Variants in TMCO4 observed in about 807,000 individuals in gnomAD.
TMCO4 encodes transmembrane and coiled-coil domain-containing protein 4.
Under a neutral mutation model 64.7 loss-of-function variants are expected in TMCO4, and 58 were observed. The observed-to-expected ratio is 0.90, with a 90% CI of 0.73 to 1.12. The LOEUF is 1.12. TMCO4 is among the 50% of genes most tolerant of loss of function. TMCO4 has a pLI of 0.00. For synonymous variants in TMCO4, 325 were observed against 346.1 expected (o/e 0.94, Z 0.68); for missense variants, 780 against 825.9 (o/e 0.94, Z 0.68).
At chr1:19,772,705 C>G (rs1310617178) in intron 4 of TMCO4, among the ~76,000 whole-genome samples, 3 of 152,154 alleles carry the variant, frequency 2.0e-5, no homozygotes, top group Non-Finnish European at 2.9e-5. Flanking sequence ...AACCACATTG[C>G]CTTGGGACTC....
At chr1:19,741,254 G>T (rs754179781) in intron 10 of TMCO4, among the ~76,000 whole-genome samples, 3 of 152,334 alleles carry the variant, frequency 2.0e-5, no homozygotes, top group African/African-American at 7.2e-5. Flanking sequence ...CCTTCATAGG[G>T]TAGGTATAAG....
chr1:19,765,727 C>CA, intron 6 of TMCO4, among the ~76,000 whole-genome samples: 1 of 151,972 alleles, frequency 6.6e-6, no homozygotes, highest in Non-Finnish European at 1.5e-5. Flanking sequence ...TTAGCATGCA[C>CA]AAAAAATTCC....
At chr1:19,799,563 G>C (rs1049021761) in intron 1 of TMCO4, among the ~76,000 whole-genome samples, 7 of 152,234 alleles carry the variant, frequency 4.6e-5, no homozygotes, top group African/African-American at 1.7e-4. Context: ...AGTCGCCCGA[G>C]TGCTCCGCCC....
At chr1:19,721,591 C>T (rs1274248939) in intron 13 of TMCO4, among the ~76,000 whole-genome samples, 1 of 152,058 alleles carries the variant, frequency 6.6e-6, no homozygotes, top group East Asian at 1.9e-4. Flanking sequence ...GAGTTCGAGA[C>T]CAGTCTAGGC....
intron 7 of TMCO4, among the ~76,000 whole-genome samples, chr1:19,748,499 T>G (rs1252777623): frequency 6.6e-6 from 1 of 152,192 alleles, no homozygotes. Flanking sequence ...TACATTTTAT[T>G]GAGAAATAGC....
chr1:19,746,721 G>A (rs1048994382), intron 8 of TMCO4, 122 bp from the exon 9 acceptor site: 12 of 1,233,486 alleles, frequency 9.7e-6, no homozygotes, highest in East Asian at 2.6e-5. Context: ...TCAGGAGATC[G>A]AGACTATCCT....
chr1:19,789,751 T>C (rs1304843160), intron 2 of TMCO4, among the ~76,000 whole-genome samples: 1 of 151,914 alleles, frequency 6.6e-6, no homozygotes, highest in African/African-American at 2.4e-5. Context: ...GACCAATAAG[T>C]CTTGTCAGTA....
intron 13 of TMCO4, among the ~76,000 whole-genome samples, chr1:19,711,472 G>A (rs774020670): frequency 1.3e-5 from 2 of 152,114 alleles, no homozygotes; most frequent in Non-Finnish European, 2.9e-5. Context: ...TGAACACTTA[G>A]AGGTCATTGT....
chr1:19,685,457 G>T (rs1322959828), intron 15 of TMCO4, among the ~76,000 whole-genome samples: 1 of 152,216 alleles, frequency 6.6e-6, no homozygotes, highest in African/African-American at 2.4e-5. Flanking sequence ...TCCCATTTTT[G>T]TGTTGGGATA....
intron 15 of TMCO4, among the ~76,000 whole-genome samples, chr1:19,685,246 A>G (rs1003222826): frequency 6.6e-6 from 1 of 152,180 alleles, no homozygotes; most frequent in African/African-American, 2.4e-5. Context: ...GGATGGCTTG[A>G]GCCTGGGAGG....
chr1:19,690,433 C>T (rs184078408), intron 15 of TMCO4, among the ~76,000 whole-genome samples: 37 of 152,358 alleles, frequency 2.4e-4, no homozygotes, highest in Admixed American at 1.0e-3. Context: ...TACCCCTGCC[C>T]AGGTGCTGCC....
intron 7 of TMCO4, among the ~76,000 whole-genome samples, chr1:19,752,693 C>T (rs909574566): frequency 3.3e-5 from 5 of 152,144 alleles, no homozygotes; most frequent in African/African-American, 1.2e-4. Context: ...AACCCTGCCA[C>T]TGCCAGCCAG....
In TMCO4 at chr1:19,718,337, A is replaced by G. The variant is rs577517564; in HGVS notation, c.1265-17452T>C. Reference sequence around the variant, plus strand: ...GCAACAGAGTGAGACTCCATCTCAAAATAAATAAATAAATAAATAATAAAA... The same window carrying G: ...GCAACAGAGTGAGACTCCATCTCAAGATAAATAAATAAATAAATAATAAAA... On this transcript the variant is annotated intron_variant, in intron 13 of 15. Transcript: ENST00000294543. Among the ~76,000 whole-genome samples the G allele has an allele frequency of 7.9e-5, 12 of 151,416 alleles. No homozygotes were observed. The South Asian group carries it at 2.5e-3, about 32-fold the overall frequency.
chr1:19,719,857 G>C (rs1405028386), intron 13 of TMCO4, among the ~76,000 whole-genome samples: 3 of 152,114 alleles, frequency 2.0e-5, no homozygotes, highest in Non-Finnish European at 4.4e-5. Context: ...GCCAGGTTTG[G>C]TGGCAGGCAC....
rs1216703515 is a variant in TMCO4, at chr1:19,747,200, C to A, written c.576G>T (p.Leu192=). ...ENRRKWKRYL[L]IGLATVGGGT... Reference sequence around the variant, plus strand: ...CGCCTCCGACAGTCGCCAGGCCTATCAGGAGATAACGCTTCCATTTCCTCC... The same window carrying A: ...CGCCTCCGACAGTCGCCAGGCCTATAAGGAGATAACGCTTCCATTTCCTCC... Residue 192 remains leucine, a synonymous_variant, in exon 8 of 16, where the codon CTG becomes CTT. Coordinates refer to ENST00000294543, the MANE Select transcript of TMCO4 (RefSeq NM_181719.7). The A allele has an allele frequency of 6.2e-7, 1 of 1,614,124 alleles. No homozygotes were observed. The highest frequency in any genetic ancestry group is 1.1e-5 in the South Asian group (1 of 91,078).
chr1:19,723,230 G>C (rs768062281), intron 13 of TMCO4, among the ~76,000 whole-genome samples: 7 of 152,228 alleles, frequency 4.6e-5, no homozygotes, highest in Non-Finnish European at 8.8e-5. Context: ...CATTTCCTCG[G>C]AGTATCATGT....
rs888679187 is a variant in TMCO4 at position 19,724,454 on chromosome 1, C to A, written c.1264+12918G>T. 5.3e-5 allele frequency among the ~76,000 whole-genome samples: 8 copies of A among 152,164 alleles called. 1 individual carries two copies. Among genetic ancestry groups the A allele is most frequent in the African/African-American group, 1.9e-4 (8 of 41,430 alleles). ...GAGGGCAGAATGAAATGGACACAGT[C>A]CCTGCCATCAATCTCCTTATAGGCA... On this transcript the variant is annotated intron_variant, in intron 13 of 15. Coordinates refer to ENST00000294543, the MANE Select transcript of TMCO4 (RefSeq NM_181719.7).
At chr1:19,789,106 A>C (rs1473172495) in intron 2 of TMCO4, among the ~76,000 whole-genome samples, 1 of 150,740 alleles carries the variant, frequency 6.6e-6, no homozygotes, top group Admixed American at 6.6e-5. Flanking sequence ...TAAAAAAAAC[A>C]ACAACCATGT....
Position 19,694,062 on chromosome 1 carries a change from C to T in TMCO4, c.1500+372G>A, listed in dbSNP as rs553560990. On this transcript the variant is annotated intron_variant, in intron 15 of 15. Coordinates refer to ENST00000294543, the MANE Select transcript of TMCO4 (RefSeq NM_181719.7). ...TGATGCCTAGGCTGCAATGCAATGG[C>T]ACGATCACAGCTCACTGCAGCCTCC... Among the ~76,000 whole-genome samples, 3 of 152,282 alleles carry T rather than the reference C, an allele frequency of 2.0e-5. No homozygotes were observed. In the Middle Eastern group the frequency reaches 0.01, roughly 518 times the overall value.
Sources: gnomAD v4.1 joint callset for allele counts (sites outside exome capture counted in the v4.1 genomes callset) on GRCh38, gnomAD v4.1.1 for gene constraint, MANE v1.5 for transcripts, NCBI Gene and HGNC (gene_info 2026-07-23, HGNC 2026-07-21) for gene names.